Variants in ASTN2 observed in about 807,000 individuals in gnomAD.
ASTN2 encodes astrotactin 2, also known as astrotactin-2.
In ASTN2, 54 loss-of-function variants were observed where a neutral mutation model predicts 139.8. The observed-to-expected ratio is 0.39, with a 90% CI of 0.31 to 0.48. The LOEUF (loss-of-function observed/expected upper bound fraction) is 0.48, where lower values mean the gene tolerates loss of function less well. ASTN2 is among the 20% of genes least tolerant of loss of function. The probability of loss-of-function intolerance (pLI) is 0.95; values close to 1 mark genes in which losing one functional copy is unlikely to be tolerated. For missense variants in ASTN2, 1,565 were observed against 1,725.1 expected, an observed-to-expected ratio of 0.91 and a Z score of 1.64; for synonymous variants, 756 against 719.5, an observed-to-expected ratio of 1.05 and a Z score of -0.81.
intron 19 of ASTN2, among the ~76,000 whole-genome samples, chr9:116,540,048 T>C (rs1234834725): frequency 6.6e-6 from 1 of 152,214 alleles, no homozygotes; most frequent in Non-Finnish European, 1.5e-5. Flanking sequence ...CGCATCTTGA[T>C]GTGATAAAAT....
chr9:116,680,083 G>T (rs1859753974), intron 16 of ASTN2, among the ~76,000 whole-genome samples: 1 of 152,038 alleles, frequency 6.6e-6, no homozygotes, highest in Admixed American at 6.6e-5. Flanking sequence ...ATGAATCCAG[G>T]AGCTGGTTTT....
chr9:116,838,589 AT>A (rs34871450), intron 11 of ASTN2, among the ~76,000 whole-genome samples: 13,622 of 130,032 alleles, frequency 0.1, 779 homozygotes, highest in East Asian at 0.23. Flanking sequence ...ATGCCCAGCA[AT>A]TTTTTTTTTT....
At chr9:117,218,115 A>G (rs1237386303) in intron 2 of ASTN2, among the ~76,000 whole-genome samples, 1 of 152,258 alleles carries the variant, frequency 6.6e-6, no homozygotes, top group Non-Finnish European at 1.5e-5. Context: ...CTTCTGCCTT[A>G]TCAAGTTACC....
intron 19 of ASTN2, among the ~76,000 whole-genome samples, chr9:116,542,325 A>G (rs1415478564): frequency 6.6e-6 from 1 of 152,216 alleles, no homozygotes. Flanking sequence ...AGGTAACATA[A>G]ACTTTTAGTG....
At chr9:116,947,691 T>C (rs968138820) in intron 10 of ASTN2, among the ~76,000 whole-genome samples, 2 of 152,284 alleles carry the variant, frequency 1.3e-5, no homozygotes, top group South Asian at 2.1e-4. Context: ...CCATGAACCA[T>C]TGGAGAGTAA....
At chr9:116,735,028 C>A (rs1436671415) in intron 13 of ASTN2, among the ~76,000 whole-genome samples, 2 of 152,120 alleles carry the variant, frequency 1.3e-5, no homozygotes, top group African/African-American at 4.8e-5. Flanking sequence ...TCACAGCAAT[C>A]CCAAAAGATA....
intron 13 of ASTN2, among the ~76,000 whole-genome samples, chr9:116,799,865 T>C (rs184215255): frequency 6.2e-4 from 95 of 152,220 alleles, no homozygotes; most frequent in Admixed American, 9.2e-4. Context: ...AGACCAACAC[T>C]TAGCACCGGA....
chr9:116,434,284 G>A (rs1183434660), intron 22 of ASTN2, among the ~76,000 whole-genome samples: 1 of 152,176 alleles, frequency 6.6e-6, no homozygotes, highest in Non-Finnish European at 1.5e-5. Flanking sequence ...GTACCTCTGA[G>A]ATTATAGGAA....
At chr9:116,937,054 A>T (rs569536371) in intron 10 of ASTN2, among the ~76,000 whole-genome samples, 6 of 152,252 alleles carry the variant, frequency 3.9e-5, no homozygotes, top group African/African-American at 9.6e-5. Context: ...CTGGTAACTT[A>T]TGAGAGGATC....
chr9:117,388,039 C>T (rs1177417494), intron 1 of ASTN2, among the ~76,000 whole-genome samples: 1 of 152,090 alleles, frequency 6.6e-6, no homozygotes, highest in Non-Finnish European at 1.5e-5. Context: ...GCTTTGGGCC[C>T]CTTCACCCTT....
At chr9:117,355,955 G>A (rs930124356) in intron 1 of ASTN2, among the ~76,000 whole-genome samples, 1 of 152,172 alleles carries the variant, frequency 6.6e-6, no homozygotes, top group African/African-American at 2.4e-5. Context: ...AGCCTACACT[G>A]GAGATCAGGG....
intron 1 of ASTN2, among the ~76,000 whole-genome samples, chr9:117,365,302 A>G (rs933074262): frequency 5.4e-5 from 8 of 147,360 alleles, no homozygotes; most frequent in Admixed American, 3.3e-4. Context: ...AGAAAGAAAA[A>G]GAAAGAAAGA....
chr9:117,248,764 C>T (rs1297962470), intron 2 of ASTN2, among the ~76,000 whole-genome samples: 3 of 152,218 alleles, frequency 2.0e-5, no homozygotes, highest in African/African-American at 2.4e-5. Flanking sequence ...AACACCCCAT[C>T]TGGAAAAGGT....
At chr9:117,301,461 G>A (rs139297870) in intron 1 of ASTN2, among the ~76,000 whole-genome samples, 4 of 152,142 alleles carry the variant, frequency 2.6e-5, no homozygotes, top group African/African-American at 9.7e-5. Flanking sequence ...ACCCACATAG[G>A]TAAAGTAGAT....
chr9:116,670,735 G>A (rs763041907), intron 16 of ASTN2, among the ~76,000 whole-genome samples: 12 of 152,080 alleles, frequency 7.9e-5, no homozygotes, highest in Non-Finnish European at 1.6e-4. Flanking sequence ...GCAGAAATTA[G>A]GCCTATGAGA....
intron 10 of ASTN2, among the ~76,000 whole-genome samples, chr9:116,968,680 C>T (rs1203074888): frequency 6.6e-6 from 1 of 152,058 alleles, no homozygotes; most frequent in Non-Finnish European, 1.5e-5. Flanking sequence ...GGGCAGATCA[C>T]TTGAGGTCAG....
intron 7 of ASTN2, among the ~76,000 whole-genome samples, chr9:117,007,072 A>T (rs193144335): frequency 0.013 from 1,957 of 152,218 alleles, 27 homozygotes; most frequent in Non-Finnish European, 0.023. Context: ...AGTCGAGATC[A>T]CGCCACTGAC....
chr9:116,535,639 A>G (rs1813635241), intron 19 of ASTN2, among the ~76,000 whole-genome samples: 1 of 152,182 alleles, frequency 6.6e-6, no homozygotes, highest in African/African-American at 2.4e-5. Flanking sequence ...TGGATATGAA[A>G]TTCTGGGTGG....
chr9:116,757,395 C>T (rs766789605), intron 13 of ASTN2, among the ~76,000 whole-genome samples: 2 of 152,100 alleles, frequency 1.3e-5, no homozygotes, highest in African/African-American at 4.8e-5. Flanking sequence ...ACTGGGATCA[C>T]GGTGGGCATG....
Sources: allele counts gnomAD v4.1 joint callset (sites outside exome capture counted in the v4.1 genomes callset), GRCh38; gene constraint gnomAD v4.1.1; transcripts MANE v1.5; gene names NCBI Gene and HGNC (gene_info 2026-07-23, HGNC 2026-07-21).